The following USP34 variants were observed in gnomAD, a reference collection of about 807,000 sequenced individuals.
The protein encoded by USP34 is ubiquitin carboxyl-terminal hydrolase 34.
USP34 carries 70 observed loss-of-function variants against 460.3 expected under a neutral mutation model. The ratio of observed to expected loss-of-function variants is 0.15; its 90% CI spans 0.13 to 0.19. USP34 has a LOEUF of 0.19. USP34 is among the 10% of genes least tolerant of loss of function. USP34 has a pLI of 1.00. For synonymous variants in USP34, 1,647 were observed against 1,405.3 expected (o/e 1.17, Z -3.85); for missense variants, 3,985 against 4,236.2 (o/e 0.94, Z 1.65).
At chr2:61,434,789 T>C (rs1694768406) in intron 1 of USP34, among the ~76,000 whole-genome samples, 2 of 151,646 alleles carry the variant, frequency 1.3e-5, no homozygotes. Context: ...TCCAACAATG[T>C]GTAGAAACAA....
intron 1 of USP34, among the ~76,000 whole-genome samples, chr2:61,435,755 G>A (rs755846115): frequency 6.6e-5 from 10 of 152,172 alleles, no homozygotes; most frequent in East Asian, 1.9e-4. Flanking sequence ...CTGGCCATGC[G>A]CAGTGGCTCA....
At chr2:61,328,947 ATTAAC>A (rs1215779534) in intron 20 of USP34, among the ~76,000 whole-genome samples, 1 of 152,306 alleles carries the variant, frequency 6.6e-6, no homozygotes, top group East Asian at 1.9e-4. Context: ...CTGACAAGTA[ATTAAC>A]TCCCCATCTC....
Position 61,395,200 on chromosome 2 carries a change from C to T in USP34, c.586G>A (p.Ala196Thr). The T allele has an allele frequency of 6.6e-6, 10 of 1,503,784 alleles. No individual in the cohort carries two copies. The highest frequency in any genetic ancestry group is 8.2e-6 in the Non-Finnish European group (9 of 1,101,116). The allele number at this position is 1,503,784 out of a possible 1,614,324, so 93.2% of individuals were successfully genotyped here. Residue 196 changes from alanine (A) to threonine (T), a missense_variant, in exon 4 of 80, where the codon GCA (alanine) becomes ACA (threonine). Physicochemically the swap from Ala to Thr is moderately conservative, Grantham distance 58 (BLOSUM62 0). Transcript: ENST00000398571. ...ISTQESNILG[A>T]FCDMNDVEVP... ...ACACTTACATTCATATCACAGAATG[C>T]CCCTAATATGTTACTTTCTTGAGTT... is the stretch of plus-strand genomic sequence containing the variant.
At position 61,203,266 on chromosome 2, in the gene USP34, G is replaced by A. The variant is rs1333733554; in HGVS notation, c.9385-3C>T. On this transcript the variant is annotated splice_polypyrimidine_tract_variant and splice_region_variant and intron_variant, in intron 74 of 79. Coordinates refer to ENST00000398571, the MANE Select transcript of USP34 (RefSeq NM_014709.4). ...CGATCATAAACGTCATCTTTGCCCTGAAGGTTAAAGATGATAAAATGGTTG... is the reference window on the plus strand; with the variant it reads ...CGATCATAAACGTCATCTTTGCCCTAAAGGTTAAAGATGATAAAATGGTTG... 5 of 1,518,490 alleles carry A rather than the reference G, an allele frequency of 3.3e-6. No individual in the cohort carries two copies. The African/African-American group carries it at 5.6e-5, about 17-fold the overall frequency. The allele number at this position is 1,518,490 out of a possible 1,614,324, so 94.1% of individuals were successfully genotyped here.
chr2:61,470,410 C>G (rs1292452369), intron 1 of USP34, among the ~76,000 whole-genome samples: 3 of 151,220 alleles, frequency 2.0e-5, no homozygotes, highest in South Asian at 2.1e-4. Context: ...CCAGAGCGCC[C>G]GGGCCAGGCC....
intron 48 of USP34, among the ~76,000 whole-genome samples, chr2:61,251,275 T>C (rs71420397): frequency 0.12 from 18,149 of 152,194 alleles, 1,262 homozygotes; most frequent in Non-Finnish European, 0.15. Flanking sequence ...ACTGTAAAAA[T>C]TATCTATAAC....
chr2:61,222,513 G>A, intron 65 of USP34, 106 bp downstream of exon 65: 1 of 821,318 alleles, frequency 1.2e-6, no homozygotes, highest in Non-Finnish European at 2.0e-6. Context: ...TTATGTTATG[G>A]GAGAAACCCT....
At chr2:61,196,065 C>A (rs895075269) in intron 75 of USP34, among the ~76,000 whole-genome samples, 3 of 76,876 alleles carry the variant, frequency 3.9e-5, no homozygotes, top group Non-Finnish European at 8.4e-5. Context: ...CACCACCATG[C>A]ACGATTTTTT....
chr2:61,336,090 T>C (rs899892097), intron 18 of USP34, among the ~76,000 whole-genome samples: 5 of 151,976 alleles, frequency 3.3e-5, no homozygotes, highest in African/African-American at 1.2e-4. Flanking sequence ...ATGCCATATA[T>C]AATATAGTCT....
intron 43 of USP34, 118 bp from the exon 44 acceptor site, chr2:61,259,894 A>G: frequency 1.2e-6 from 1 of 859,778 alleles, no homozygotes; most frequent in East Asian, 2.6e-5. Flanking sequence ...TTGGCTATAT[A>G]AAAGAAAAAC....
intron 1 of USP34, among the ~76,000 whole-genome samples, chr2:61,451,574 C>G (rs140905100): frequency 6.6e-6 from 1 of 151,686 alleles, no homozygotes; most frequent in African/African-American, 2.4e-5. Flanking sequence ...CCCAGCTACT[C>G]GGAAGGTTGA....
chr2:61,208,819 T>G, intron 70 of USP34, 80 bp downstream of exon 70: 1 of 1,070,768 alleles, frequency 9.3e-7, no homozygotes, highest in Non-Finnish European at 1.3e-6. Context: ...TACCATAAAC[T>G]CTAAATGTCT....
intron 10 of USP34, among the ~76,000 whole-genome samples, chr2:61,354,436 C>T (rs767689106): frequency 2.0e-4 from 31 of 152,270 alleles, no homozygotes; most frequent in Non-Finnish European, 3.5e-4. Flanking sequence ...TTAAGACATT[C>T]GCAGAAAAAA....
rs1403566409 is a variant in USP34, at chr2:61,339,705, A to G, written c.2501-24T>C. 2.5e-6 allele frequency: 3 copies of G among 1,222,290 alleles called. No homozygotes were observed. In the African/African-American group the frequency reaches 4.7e-5, roughly 19 times the overall value. The allele number at this position is 1,222,290 out of a possible 1,614,324, so 75.7% of individuals were successfully genotyped here. A position where few individuals can be genotyped will look rare whatever the true frequency, so the allele number is the denominator to read the frequency against. The stretch of plus-strand genomic sequence containing the variant: ...TCCTGAAGAGAAAAAAAAAAAAAAG[A>G]CACACTATAGAGAAATGCAGCTGAC... On this transcript the variant is annotated intron_variant, in intron 16 of 79. Coordinates refer to ENST00000398571, the MANE Select transcript of USP34 (RefSeq NM_014709.4).
rs752015688 is a variant in USP34, at chr2:61,409,048, C to T, written c.132-2920G>A. Among the ~76,000 whole-genome samples the T allele has an allele frequency of 9.9e-5, 15 of 151,728 alleles. No individual in the cohort carries two copies. In the East Asian group the frequency reaches 2.0e-3, roughly 20 times the overall value. On this transcript the variant is annotated intron_variant, in intron 2 of 79. Coordinates refer to ENST00000398571, the MANE Select transcript of USP34 (RefSeq NM_014709.4). ...CAGCCTGACCAATACAGCAAAACCT[C>T]GTCTCTATTAAAAATACAAAAATTA...
chr2:61,381,401 C>T (rs1207200893), intron 6 of USP34, among the ~76,000 whole-genome samples: 3 of 152,046 alleles, frequency 2.0e-5, no homozygotes, highest in Non-Finnish European at 4.4e-5. Flanking sequence ...TGCAATTGCT[C>T]AATCAGAGCT....
intron 34 of USP34, 34 bp from the exon 35 acceptor site, chr2:61,284,991 A>G (rs1397296628): frequency 6.5e-7 from 1 of 1,538,546 alleles, no homozygotes; most frequent in Non-Finnish European, 8.9e-7. Flanking sequence ...AGATATTTAA[A>G]TACAGCAAAA....
intron 5 of USP34, among the ~76,000 whole-genome samples, chr2:61,390,602 G>A (rs1693314323): frequency 6.6e-6 from 1 of 152,200 alleles, no homozygotes; most frequent in African/African-American, 2.4e-5. Flanking sequence ...CTCAGAGCTA[G>A]TTAAGAACTG....
At position 61,348,100 on chromosome 2, in the gene USP34, T is replaced by A; in HGVS notation, c.2055A>T (p.Val685=). ...LVFNTESLPS[V]DNRMRMLDAC... The stretch of plus-strand genomic sequence containing the variant: ...CATCCAGCATTCGCATTCGATTATC[T>A]ACTGATGGCAATGATTCAGTGTTAA... The change falls in exon 15 of 80, where the codon GTA becomes GTT. Residue 685 remains valine (V), a synonymous_variant. Transcript: ENST00000398571. The A allele has an allele frequency of 5.6e-6, 9 of 1,614,244 alleles. No individual in the cohort carries two copies. The highest frequency in any genetic ancestry group is 7.6e-6 in the Non-Finnish European group (9 of 1,180,036).
Sources: gnomAD v4.1 joint callset for allele counts (sites outside exome capture counted in the v4.1 genomes callset) on GRCh38, gnomAD v4.1.1 for gene constraint, MANE v1.5 for transcripts, NCBI Gene and HGNC (gene_info 2026-07-23, HGNC 2026-07-21) for gene names.